The following FAM72C variants were observed in gnomAD, a reference collection of about 807,000 sequenced individuals.
FAM72C encodes RUMY family member 3, also known as protein FAM72C.
In FAM72C, 1 loss-of-function variant was observed where a neutral mutation model predicts 5.2. The observed-to-expected ratio is 0.19, with a 90% CI of 0.07 to 0.91. The LOEUF (loss-of-function observed/expected upper bound fraction) is 0.91, where lower values mean the gene tolerates loss of function less well. Ranked by LOEUF, FAM72C falls within the 40% of genes least tolerant of loss-of-function variation. The pLI is 0.66. For synonymous variants in FAM72C, 1 was observed against 21.8 expected (o/e 0.05, Z 2.66); for missense variants, 4 against 66.0 (o/e 0.06, Z 3.25).
chr1:143,965,897 T>C (rs1191076434), intron 2 of FAM72C, among the ~76,000 whole-genome samples: 1 of 131,628 alleles, frequency 7.6e-6, no homozygotes, highest in African/African-American at 2.8e-5. Context: ...CCTCAGTCTT[T>C]CACAATTTTT....
intron 2 of FAM72C, among the ~76,000 whole-genome samples, chr1:143,966,964 G>T (rs2101706817): frequency 6.9e-6 from 1 of 144,460 alleles, no homozygotes; most frequent in East Asian, 2.1e-4. Context: ...GAAGACGGAG[G>T]TTGCAGTGAG....
At chr1:143,965,642 C>T (rs1367323437) in intron 2 of FAM72C, among the ~76,000 whole-genome samples, 1 of 79,088 alleles carries the variant, frequency 1.3e-5, no homozygotes, top group Non-Finnish European at 2.6e-5. Context: ...AAGGTTTTTG[C>T]TATCCCAGGA....
In FAM72C at chr1:143,967,332, G is replaced by A. The variant is rs1348142926; in HGVS notation, c.230+1592C>T. Among the ~76,000 whole-genome samples, 16 of 144,018 alleles carry A rather than the reference G, an allele frequency of 1.1e-4. 1 individual carries two copies. In the South Asian group the frequency reaches 3.4e-3, roughly 30 times the overall value. 94.5% of individuals were successfully genotyped at this position (144,018 alleles called of 152,430 possible). ...GTCTCTACTAAAATATGAAAAATTA[G>A]CTGGGCATGGTGGTGCGTGCCTGTA... On this transcript the variant is annotated intron_variant, in intron 2 of 3. Transcript: ENST00000584486.
chr1:143,962,205 G>C (rs1482612265), intron 3 of FAM72C, among the ~76,000 whole-genome samples: 1 of 142,352 alleles, frequency 7.0e-6, no homozygotes, highest in Non-Finnish European at 1.6e-5. Context: ...GTAGAGACGG[G>C]GTTTCTCCAT....
intron 3 of FAM72C, among the ~76,000 whole-genome samples, chr1:143,960,796 T>G (rs782070386): frequency 1.4e-5 from 2 of 144,798 alleles, no homozygotes; most frequent in South Asian, 4.5e-4. Context: ...TTTTTTTTTT[T>G]TAAAAGAATT....
At chr1:143,959,905 A>T (rs1661553738) in intron 3 of FAM72C, among the ~76,000 whole-genome samples, 1 of 137,194 alleles carries the variant, frequency 7.3e-6, no homozygotes, top group South Asian at 2.3e-4. Context: ...TGAGCCTGGG[A>T]GGTCGAGGCT....
rs2101689056 is a variant in FAM72C, at chr1:143,959,984, A to T, written c.356-3503T>A. Among the ~76,000 whole-genome samples, 2 of 138,488 alleles carry T rather than the reference A, an allele frequency of 1.4e-5. 1 individual carries two copies. Among genetic ancestry groups the T allele is most frequent in the Admixed American group, 1.4e-4 (2 of 13,830 alleles). 90.9% of individuals were successfully genotyped at this position (138,488 alleles called of 152,430 possible). A position where few individuals can be genotyped will look rare whatever the true frequency, so the allele number is the denominator to read the frequency against. On this transcript the variant is annotated intron_variant, in intron 3 of 3. Transcript: ENST00000584486. ...AGAGCAAGACCCTGTCTCCAAAAAA[A>T]AAAAAAAGTTCCTTAAAATCAACTT...
intron 3 of FAM72C, among the ~76,000 whole-genome samples, chr1:143,960,940 G>T (rs1261500839): frequency 1.9e-4 from 25 of 133,232 alleles, no homozygotes; most frequent in African/African-American, 6.9e-4. Context: ...TTCAAGGGGG[G>T]TTTCATCATA....
intron 3 of FAM72C, among the ~76,000 whole-genome samples, chr1:143,962,013 C>G (rs1661651756): frequency 6.9e-6 from 1 of 145,614 alleles, no homozygotes; most frequent in Non-Finnish European, 1.5e-5. Context: ...TTTTTCTTTT[C>G]TTTTCTTTTT....
intron 3 of FAM72C, among the ~76,000 whole-genome samples, chr1:143,960,919 C>T (rs1160346282): frequency 6.8e-5 from 9 of 133,064 alleles, no homozygotes; most frequent in African/African-American, 2.2e-4. Flanking sequence ...CTGCAACCTC[C>T]ACCTCCTAGG....
rs587674252 is a variant in FAM72C at position 143,962,293 on chromosome 1, C to T, written c.355+2562G>A. Among the ~76,000 whole-genome samples the T allele has an allele frequency of 6.0e-4, 86 of 144,050 alleles. 11 individuals carry two copies. The East Asian group carries it at 0.013, about 22-fold the overall frequency. 94.5% of individuals were successfully genotyped at this position (144,050 alleles called of 152,430 possible). ...CCTCCCAAACTGCTGGGATTACAGG[C>T]GTGAGCCACCGCGCCCGGCCTCTTA... is the stretch of plus-strand genomic sequence containing the variant. On this transcript the variant is annotated intron_variant, in intron 3 of 3. Coordinates refer to ENST00000584486, the MANE Select transcript of FAM72C (RefSeq NM_001287385.2).
intron 2 of FAM72C, among the ~76,000 whole-genome samples, chr1:143,966,708 T>G (rs1251653211): frequency 6.9e-6 from 1 of 144,280 alleles, no homozygotes; most frequent in East Asian, 2.0e-4. Flanking sequence ...TGATTAAAAT[T>G]AACTTTCCTG....
chr1:143,960,455 C>T (rs1661580523), intron 3 of FAM72C, among the ~76,000 whole-genome samples: 2 of 124,562 alleles, frequency 1.6e-5, no homozygotes, highest in Non-Finnish European at 3.4e-5. Flanking sequence ...TGGTGACTCA[C>T]GTCTGTAATC....
At chr1:143,961,205 TC>T (rs1553517859) in intron 3 of FAM72C, among the ~76,000 whole-genome samples, 2 of 143,144 alleles carry the variant, frequency 1.4e-5, no homozygotes, top group Non-Finnish European at 3.1e-5. Flanking sequence ...CATAATTCTC[TC>T]AATATTTCAA....
Position 143,966,798 on chromosome 1 carries a change from C to T in FAM72C, c.231-1819G>A, listed in dbSNP as rs1447825875. ...ATCCCAGCACTTTGGGAGGCTGAGG[C>T]GGGTGGATCACTTGAGGTCAGGAGT... is the stretch of plus-strand genomic sequence containing the variant. On this transcript the variant is annotated intron_variant, in intron 2 of 3. Coordinates refer to ENST00000584486, the MANE Select transcript of FAM72C (RefSeq NM_001287385.2). Among the ~76,000 whole-genome samples, 17 of 143,946 alleles carry T rather than the reference C, an allele frequency of 1.2e-4. 1 individual carries two copies. The highest frequency in any genetic ancestry group is 6.2e-4 in the East Asian group (3 of 4,828). The allele number at this position is 143,946 out of a possible 152,430, so 94.4% of individuals were successfully genotyped here.
chr1:143,955,607 G>C lies in FAM72C; in HGVS notation c.*780C>G, dbSNP rs1334585314. 1 of 143,236 alleles carries C rather than the reference G, an allele frequency of 7.0e-6. No homozygotes were observed. Among genetic ancestry groups the C allele is most frequent in the Non-Finnish European group, 1.5e-5 (1 of 65,552 alleles). 8.9% of individuals were successfully genotyped at this position (143,236 alleles called of 1,614,324 possible). On this transcript the variant is annotated 3_prime_UTR_variant, in exon 4 of 4. Coordinates refer to ENST00000584486, the MANE Select transcript of FAM72C (RefSeq NM_001287385.2). ...TAATGTACAATGGCTTAAGCAAATC[G>C]CTTTAGTTTTTTTTTCTATTTAAGA...
At chr1:143,967,032 C>A (rs1661792597) in intron 2 of FAM72C, among the ~76,000 whole-genome samples, 1 of 137,584 alleles carries the variant, frequency 7.3e-6, no homozygotes, top group African/African-American at 2.7e-5. Context: ...CGTCTCAAAG[C>A]AAAACAAAAA....
At chr1:143,960,088 A>G (rs1661560703) in intron 3 of FAM72C, among the ~76,000 whole-genome samples, 1 of 110,486 alleles carries the variant, frequency 9.1e-6, no homozygotes, top group Non-Finnish European at 1.9e-5. Flanking sequence ...GCAATATAAA[A>G]AGTATTATAT....
At chr1:143,959,977 CAA>C (rs1400270576) in intron 3 of FAM72C, among the ~76,000 whole-genome samples, 1 of 130,518 alleles carries the variant, frequency 7.7e-6, no homozygotes, top group Admixed American at 7.6e-5. Context: ...ACCCTGTCTC[CAA>C]AAAAAAAAAA....
Sources: allele counts gnomAD v4.1 joint callset (sites outside exome capture counted in the v4.1 genomes callset), GRCh38; gene constraint gnomAD v4.1.1; transcripts MANE v1.5; gene names NCBI Gene and HGNC (gene_info 2026-07-23, HGNC 2026-07-21).